Variants in METTL9 observed in about 807,000 individuals in gnomAD.
The protein encoded by METTL9 is methyltransferase 9, His-X-His N1(pi)-histidine.
A neutral mutation model predicts 36.0 loss-of-function variants in METTL9; 10 were observed. The ratio of observed to expected loss-of-function variants is 0.28; its 90% CI spans 0.17 to 0.47. The LOEUF is 0.47. METTL9 is among the 20% of genes least tolerant of loss of function. METTL9 has a pLI of 0.99. For synonymous variants in METTL9, 175 were observed against 149.7 expected, an observed-to-expected ratio of 1.17 and a Z score of -1.23; for missense variants, 246 against 383.5, an observed-to-expected ratio of 0.64 and a Z score of 3.00.
intron 4 of METTL9, chr16:21,639,779 TG>T (rs1966199400): frequency 6.6e-6 from 1 of 152,202 alleles, no homozygotes; most frequent in Non-Finnish European, 1.5e-5. Flanking sequence ...CCCATTTTTC[TG>T]GGCACATAGG....
At chr16:21,605,257 CTTTTTTTTTTTTTTTTTT>C (rs3046231) in intron 1 of METTL9, among the ~76,000 whole-genome samples, 106 of 51,234 alleles carry the variant, frequency 2.1e-3, no homozygotes, top group Middle Eastern at 0.019. Flanking sequence ...GGCTTGCCTT[CTTTTTTTTTTTTTTTTTT>C]TTTTTTTTTT....
chr16:21,607,466 A>T (rs1196051315), intron 1 of METTL9, among the ~76,000 whole-genome samples: 1 of 152,178 alleles, frequency 6.6e-6, no homozygotes, highest in African/African-American at 2.4e-5. Context: ...CAGCCACCTG[A>T]TTTGGCTGTT....
At chr16:21,624,078 ATAGT>A (rs1173838983) in intron 3 of METTL9, among the ~76,000 whole-genome samples, 1 of 152,088 alleles carries the variant, frequency 6.6e-6, no homozygotes, top group Non-Finnish European at 1.5e-5. Context: ...CCTTTTCTGT[ATAGT>A]TATTCAGATA....
At chr16:21,647,411 T>A in intron 4 of METTL9, 1 of 1,614,044 alleles carries the variant, frequency 6.2e-7, no homozygotes. Flanking sequence ...GAAGGTACAC[T>A]TTATGGTGAC....
intron 4 of METTL9, among the ~76,000 whole-genome samples, chr16:21,650,640 T>A (rs1372814644): frequency 6.6e-6 from 1 of 152,172 alleles, no homozygotes; most frequent in Non-Finnish European, 1.5e-5. Context: ...TCTACTTATT[T>A]CCACCTTCTT....
At chr16:21,647,661 C>T (rs1032662296) in intron 4 of METTL9, among the ~76,000 whole-genome samples, 3 of 152,154 alleles carry the variant, frequency 2.0e-5, no homozygotes, top group South Asian at 2.1e-4. Flanking sequence ...CCCAACTCCT[C>T]CTGTTTTCTG....
upstream of METTL9, among the ~76,000 whole-genome samples, chr16:21,599,074 G>A (rs1965019863): frequency 2.0e-5 from 3 of 152,108 alleles, no homozygotes; most frequent in Admixed American, 2.0e-4. This position sits in a 1 kb window ranked among gnomAD's most constrained non-coding sequence, Gnocchi z 4.4. Flanking sequence ...GGCACCATTC[G>A]TCTCCGGGAA....
chr16:21,625,346 G>A, intron 4 of METTL9: 2 of 504,574 alleles, frequency 4.0e-6, no homozygotes, highest in Non-Finnish European at 7.2e-6. Flanking sequence ...ATTTAGCTGG[G>A]TCTGACTGCT....
At chr16:21,598,561 G>C (rs1019647652), upstream of METTL9, among the ~76,000 whole-genome samples, 1 of 152,178 alleles carries the variant, frequency 6.6e-6, no homozygotes, top group African/African-American at 2.4e-5. Flanking sequence ...ACCTAGGAAA[G>C]TATTAAAGTT....
chr16:21,607,916 A>C (rs1199402667), intron 1 of METTL9, among the ~76,000 whole-genome samples: 1 of 152,188 alleles, frequency 6.6e-6, no homozygotes, highest in Non-Finnish European at 1.5e-5. Context: ...TGCGAGGCCG[A>C]GGCAGGCAGA....
Position 21,648,434 on chromosome 16 carries a change from G to A in METTL9, c.752-6793G>A, listed in dbSNP as rs74012173. ...TAGTAAGTATTAAATACAAGGGAGCGATTGCTGCTGCAGCCGCCACTGCTA... is the reference window on the plus strand; with the variant it reads ...TAGTAAGTATTAAATACAAGGGAGCAATTGCTGCTGCAGCCGCCACTGCTA... On this transcript the variant is annotated intron_variant, in intron 4 of 4. Transcript: ENST00000358154. 7.8e-3 allele frequency among the ~76,000 whole-genome samples: 1,194 copies of A among 152,266 alleles called. 20 individuals carry two copies. The highest frequency in any genetic ancestry group is 0.027 in the African/African-American group (1,115 of 41,536).
At chr16:21,614,512 C>T (rs1338126774) in intron 2 of METTL9, among the ~76,000 whole-genome samples, 1 of 152,156 alleles carries the variant, frequency 6.6e-6, no homozygotes, top group Non-Finnish European at 1.5e-5. Context: ...TAAAACTCTT[C>T]TGCTTTTTCC....
chr16:21,624,688 C>T (rs558360912), intron 3 of METTL9, among the ~76,000 whole-genome samples: 1 of 151,434 alleles, frequency 6.6e-6, no homozygotes, highest in East Asian at 1.9e-4. Flanking sequence ...GATTGCTCTA[C>T]TGTACTCCAG....
intron 4 of METTL9, chr16:21,652,381 C>T: frequency 1.9e-6 from 1 of 523,360 alleles, no homozygotes; most frequent in Non-Finnish European, 3.3e-6. Flanking sequence ...GTCTATTTCT[C>T]AGGGGAAAAA....
intron 4 of METTL9, chr16:21,651,804 C>A (rs1244042278): frequency 6.6e-6 from 1 of 152,068 alleles, no homozygotes; most frequent in East Asian, 1.9e-4. Flanking sequence ...GACAGGAATT[C>A]TTCTTTAAAA....
intron 4 of METTL9, among the ~76,000 whole-genome samples, chr16:21,629,389 G>A (rs1965889477): frequency 6.6e-6 from 1 of 152,060 alleles, no homozygotes; most frequent in Admixed American, 6.6e-5. Flanking sequence ...GCCATGCAAG[G>A]ATACAACAAG....
At chr16:21,608,010 G>T (rs1357432612) in intron 1 of METTL9, among the ~76,000 whole-genome samples, 1 of 152,094 alleles carries the variant, frequency 6.6e-6, no homozygotes, top group African/African-American at 2.4e-5. Flanking sequence ...TTAGCCAGGC[G>T]GGGTGGTAGG....
Position 21,599,985 on chromosome 16 carries a change from G to T in METTL9, c.165+87G>T. 1.8e-6 allele frequency: 2 copies of T among 1,129,848 alleles called. No homozygotes were observed. The highest frequency in any genetic ancestry group is 4.2e-5 in the South Asian group (1 of 23,818). The allele number at this position is 1,129,848 out of a possible 1,614,324, so 70.0% of individuals were successfully genotyped here. A position where few individuals can be genotyped will look rare whatever the true frequency, so the allele number is the denominator to read the frequency against. On this transcript the variant is annotated intron_variant, in intron 1 of 4. Transcript: ENST00000358154. This position sits in a 1 kb window ranked among gnomAD's most constrained non-coding sequence, Gnocchi z 4.4. ...CGGCTATTGTGCGGGACGGCTCCGCGAGGGGGCGGCCCGGCCCTCGCCCCT... is the reference window on the plus strand; with the variant it reads ...CGGCTATTGTGCGGGACGGCTCCGCTAGGGGGCGGCCCGGCCCTCGCCCCT...
chr16:21,655,671 C>T lies in METTL9; in HGVS notation c.*239C>T, dbSNP rs1567352155. 1.1e-5 allele frequency: 5 copies of T among 460,778 alleles called. No homozygotes were observed. The highest frequency in any genetic ancestry group is 1.5e-5 in the Non-Finnish European group (4 of 260,078). 28.5% of individuals were successfully genotyped at this position (460,778 alleles called of 1,614,324 possible). ...TCAACTCTTTACTCAGAGCCACTCT[C>T]CAATGCAGGTCACACTCCAATTATG... On this transcript the variant is annotated 3_prime_UTR_variant, in exon 5 of 5. Coordinates refer to ENST00000358154, the MANE Select transcript of METTL9 (RefSeq NM_016025.5).
Sources: gnomAD v4.1 joint callset for allele counts (sites outside exome capture counted in the v4.1 genomes callset) on GRCh38, gnomAD v4.1.1 for gene constraint, Gnocchi (gnomAD v3.1) non-coding constraint, MANE v1.5 for transcripts, NCBI Gene and HGNC (gene_info 2026-07-23, HGNC 2026-07-21) for gene names.